Variants in CAMKMT observed in about 807,000 individuals in gnomAD.
CAMKMT encodes calmodulin-lysine N-methyltransferase.
In CAMKMT, 53 loss-of-function variants were observed where a neutral mutation model predicts 48.0. The observed-to-expected ratio is 1.10, with a 90% CI of 0.89 to 1.39. CAMKMT has a LOEUF of 1.39. Among genes scored for constraint, CAMKMT ranks in the 40% most tolerant of loss-of-function variants. The pLI, the probability that CAMKMT is intolerant of heterozygous loss-of-function variation, is 0.00. For missense variants in CAMKMT, 428 were observed against 402.7 expected, an observed-to-expected ratio of 1.06 and a Z score of -0.54; for synonymous variants, 165 against 152.3, an observed-to-expected ratio of 1.08 and a Z score of -0.61.
At chr2:44,692,783 C>A (rs1047064242) in intron 3 of CAMKMT, among the ~76,000 whole-genome samples, 3 of 152,120 alleles carry the variant, frequency 2.0e-5, no homozygotes, top group Admixed American at 1.3e-4. Flanking sequence ...TATCATTTTG[C>A]AGATGAGGTT....
At chr2:44,743,491 A>T in intron 7 of CAMKMT, 131 bp from the exon 8 acceptor site, 1 of 621,244 alleles carries the variant, frequency 1.6e-6, no homozygotes, top group African/African-American at 1.9e-5. Flanking sequence ...ATTTTTTATT[A>T]TACCTTTTGA....
chr2:44,521,383 A>G (rs1671100914), intron 3 of CAMKMT, among the ~76,000 whole-genome samples: 1 of 152,006 alleles, frequency 6.6e-6, no homozygotes, highest in Non-Finnish European at 1.5e-5. Context: ...GGTTCAAGCG[A>G]TTCCTGTGCC....
chr2:44,410,163 T>G (rs370697923), intron 3 of CAMKMT, among the ~76,000 whole-genome samples: 3 of 148,696 alleles, frequency 2.0e-5, no homozygotes, highest in African/African-American at 7.5e-5. Context: ...AGAAGCAGAA[T>G]GTGAGAGACC....
At chr2:44,654,770 C>G (rs976740793) in intron 3 of CAMKMT, among the ~76,000 whole-genome samples, 2 of 152,200 alleles carry the variant, frequency 1.3e-5, no homozygotes, top group Non-Finnish European at 2.9e-5. Context: ...CTGCTTCGGC[C>G]TCCCAAAGTG....
At chr2:44,511,582 C>A (rs956347006) in intron 3 of CAMKMT, among the ~76,000 whole-genome samples, 15 of 152,324 alleles carry the variant, frequency 9.8e-5, no homozygotes, top group African/African-American at 3.6e-4. Context: ...AGCCACCACG[C>A]CTGGCCTATT....
At chr2:44,693,422 C>T (rs900341108) in intron 3 of CAMKMT, among the ~76,000 whole-genome samples, 6 of 152,136 alleles carry the variant, frequency 3.9e-5, no homozygotes, top group African/African-American at 1.4e-4. Context: ...ACCTTATTTC[C>T]ATTCCTACAA....
intron 3 of CAMKMT, among the ~76,000 whole-genome samples, chr2:44,465,975 G>A (rs1214637446): frequency 6.6e-6 from 1 of 152,092 alleles, no homozygotes; most frequent in African/African-American, 2.4e-5. Context: ...AGTTCTCCAG[G>A]AACTCAAAAC....
At chr2:44,593,339 A>G (rs1297962749) in intron 3 of CAMKMT, among the ~76,000 whole-genome samples, 3 of 152,188 alleles carry the variant, frequency 2.0e-5, no homozygotes, top group African/African-American at 4.8e-5. Context: ...TTTCTCAGAT[A>G]CATGTGCTTA....
At chr2:44,601,479 A>C (rs1236978824) in intron 3 of CAMKMT, among the ~76,000 whole-genome samples, 1 of 152,006 alleles carries the variant, frequency 6.6e-6, no homozygotes, top group Non-Finnish European at 1.5e-5. Flanking sequence ...ATAATTAATA[A>C]ATAAATAATA....
intron 3 of CAMKMT, among the ~76,000 whole-genome samples, chr2:44,701,357 G>C (rs1677250361): frequency 6.6e-6 from 1 of 152,048 alleles, no homozygotes; most frequent in African/African-American, 2.4e-5. Context: ...TCTCATTTAG[G>C]TTTTGATTTT....
At chr2:44,526,663 G>T (rs1340161692) in intron 3 of CAMKMT, among the ~76,000 whole-genome samples, 1 of 152,120 alleles carries the variant, frequency 6.6e-6, no homozygotes, top group Non-Finnish European at 1.5e-5. Context: ...TTTTCCCTCT[G>T]TTTGGGCCCT....
intron 3 of CAMKMT, among the ~76,000 whole-genome samples, chr2:44,563,787 C>G (rs568253172): frequency 3.3e-5 from 5 of 152,290 alleles, no homozygotes; most frequent in African/African-American, 1.2e-4. Context: ...ATCCATGTCC[C>G]TACAAAGGAC....
Position 44,372,873 on chromosome 2 carries a change from A to G in CAMKMT, c.296A>G (p.Tyr99Cys), listed in dbSNP as rs1185178475. Residue 99 changes from tyrosine (Y) to cysteine (C), a missense_variant, in exon 2 of 11, where the codon TAC (tyrosine) becomes TGC (cysteine). Transcript: ENST00000378494. ...TATACAAGCATCTTCTGTCCTGAAT[A>G]CAGTATCTCCTTAAGGTAACCATTA... ...VQYTSIFCPE[Y>C]SISLRHNSGS... 1.9e-6 allele frequency: 3 copies of G among 1,613,136 alleles called. No homozygotes were observed. Among genetic ancestry groups the G allele is most frequent in the African/African-American group, 2.7e-5 (2 of 74,880 alleles).
intron 3 of CAMKMT, among the ~76,000 whole-genome samples, chr2:44,683,331 G>GC (rs1205021485): frequency 2.6e-5 from 4 of 152,124 alleles, no homozygotes; most frequent in African/African-American, 9.7e-5. Flanking sequence ...TCCACAAGAT[G>GC]CAAACTCAAA....
chr2:44,604,845 T>C (rs1011138335), intron 3 of CAMKMT, among the ~76,000 whole-genome samples: 1 of 152,180 alleles, frequency 6.6e-6, no homozygotes, highest in African/African-American at 2.4e-5. Flanking sequence ...TTCCATTATC[T>C]GATTCCCACT....
chr2:44,576,698 G>A (rs901001387), intron 3 of CAMKMT, among the ~76,000 whole-genome samples: 2 of 152,212 alleles, frequency 1.3e-5, no homozygotes, highest in Admixed American at 6.5e-5. Flanking sequence ...GGTCTGAGGA[G>A]TGGCATGTTA....
intron 3 of CAMKMT, among the ~76,000 whole-genome samples, chr2:44,675,449 T>C (rs1675628531): frequency 1.3e-5 from 2 of 152,118 alleles, no homozygotes; most frequent in African/African-American, 4.8e-5. Flanking sequence ...TTCTTCCTTC[T>C]CTTATTACTC....
At chr2:44,381,940 C>A (rs1360726277) in intron 2 of CAMKMT, among the ~76,000 whole-genome samples, 1 of 124,800 alleles carries the variant, frequency 8.0e-6, no homozygotes, top group African/African-American at 3.0e-5. Context: ...TTATCTTACA[C>A]TTTTTTTTTT....
chr2:44,398,567 C>CTTTT (rs10711902), intron 3 of CAMKMT, among the ~76,000 whole-genome samples: 3 of 125,784 alleles, frequency 2.4e-5, no homozygotes, highest in Non-Finnish European at 3.4e-5. Context: ...CTTTTCTTTT[C>CTTTT]TTTTTTTTTT....
Sources: allele counts gnomAD v4.1 joint callset (sites outside exome capture counted in the v4.1 genomes callset), GRCh38; gene constraint gnomAD v4.1.1; transcripts MANE v1.5; gene names NCBI Gene and HGNC (gene_info 2026-07-23, HGNC 2026-07-21).